Variants in GPC6 observed in about 807,000 individuals in gnomAD.
GPC6 encodes the protein glypican-6.
A neutral mutation model predicts 55.2 loss-of-function variants in GPC6; 14 were observed. The ratio of observed to expected loss-of-function variants is 0.25; its 90% CI spans 0.17 to 0.40. The LOEUF (loss-of-function observed/expected upper bound fraction) is 0.40. Ranked by LOEUF, GPC6 falls within the 10% of genes least tolerant of loss-of-function variation. The pLI is 1.00. For missense variants in GPC6, 641 were observed against 708.5 expected (o/e 0.90, Z 1.08); for synonymous variants, 278 against 259.6 (o/e 1.07, Z -0.68).
At chr13:93,341,554 A>G (rs1329730247) in intron 1 of GPC6, among the ~76,000 whole-genome samples, 2 of 152,156 alleles carry the variant, frequency 1.3e-5, no homozygotes, top group African/African-American at 4.8e-5. Context: ...CTTTTGAGAA[A>G]TATCTATTCA....
chr13:94,343,840 C>A (rs1878157611), intron 6 of GPC6, among the ~76,000 whole-genome samples: 1 of 152,092 alleles, frequency 6.6e-6, no homozygotes, highest in African/African-American at 2.4e-5. Flanking sequence ...AGGTGATCCT[C>A]CCACCTCAGC....
intron 3 of GPC6, among the ~76,000 whole-genome samples, chr13:94,018,375 C>A (rs1238747321): frequency 1.3e-5 from 2 of 151,748 alleles, no homozygotes; most frequent in Admixed American, 1.3e-4. Context: ...CTGCAACCTC[C>A]GCCTCCCAGG....
At chr13:93,349,529 G>A (rs957229834) in intron 1 of GPC6, among the ~76,000 whole-genome samples, 11 of 152,122 alleles carry the variant, frequency 7.2e-5, no homozygotes, top group African/African-American at 2.7e-4. Context: ...TTGCCAGGCT[G>A]ACTATGTAGG....
At chr13:93,294,634 G>T (rs1053046829) in intron 1 of GPC6, among the ~76,000 whole-genome samples, 1 of 152,106 alleles carries the variant, frequency 6.6e-6, no homozygotes, top group African/African-American at 2.4e-5. Flanking sequence ...AGAGTCTAGT[G>T]GGGGAGATAA....
At chr13:93,399,065 C>G (rs61965696) in intron 1 of GPC6, among the ~76,000 whole-genome samples, 1 of 72,784 alleles carries the variant, frequency 1.4e-5, no homozygotes, top group Non-Finnish European at 5.6e-5. Flanking sequence ...CACACAGACA[C>G]ACACACACAC....
At chr13:93,399,091 C>A (rs1875971927) in intron 1 of GPC6, among the ~76,000 whole-genome samples, 1 of 149,836 alleles carries the variant, frequency 6.7e-6, no homozygotes, top group Non-Finnish European at 1.5e-5. Flanking sequence ...CACGTGCACA[C>A]AAGCAAGGAA....
At chr13:94,231,127 G>A (rs1890713730) in intron 4 of GPC6, among the ~76,000 whole-genome samples, 1 of 152,148 alleles carries the variant, frequency 6.6e-6, no homozygotes, top group South Asian at 2.1e-4. Context: ...AAGGTTTGGT[G>A]TATACTAGAT....
rs145925821 is a variant in GPC6 at position 93,523,007 on chromosome 13, G to GA, written c.161-22250dup. 4.2e-3 allele frequency among the ~76,000 whole-genome samples: 374 copies of GA among 90,098 alleles called. 4 individuals are homozygous for GA. The highest frequency in any genetic ancestry group is 7.7e-3 in the African/African-American group (213 of 27,706). 59.1% of individuals were successfully genotyped at this position (90,098 alleles called of 152,430 possible). On this transcript the variant is annotated intron_variant, in intron 1 of 8. Transcript: ENST00000377047. ...TGTCTTTGGATCAAAAAGAAAGAGG[G>GA]AAAAAATATATATATATATATATAC...
At chr13:93,814,899 G>A (rs1017686765) in intron 2 of GPC6, among the ~76,000 whole-genome samples, 1 of 152,094 alleles carries the variant, frequency 6.6e-6, no homozygotes, top group African/African-American at 2.4e-5. Flanking sequence ...CAAAAACAGA[G>A]GGGAGAGATG....
At chr13:93,310,733 G>A (rs895194763) in intron 1 of GPC6, among the ~76,000 whole-genome samples, 3 of 152,066 alleles carry the variant, frequency 2.0e-5, no homozygotes, top group Non-Finnish European at 2.9e-5. Context: ...GAGAGAAGAC[G>A]CTACTTTGTT....
intron 6 of GPC6, among the ~76,000 whole-genome samples, chr13:94,362,407 AAGC>A (rs1157933882): frequency 2.6e-5 from 4 of 152,192 alleles, no homozygotes; most frequent in Non-Finnish European, 5.9e-5. Context: ...TAGGGAAATA[AAGC>A]TTTGGTTAAC....
intron 3 of GPC6, among the ~76,000 whole-genome samples, chr13:93,934,313 G>T (rs1232283922): frequency 1.3e-5 from 2 of 152,016 alleles, no homozygotes; most frequent in Non-Finnish European, 2.9e-5. Flanking sequence ...ATGGAAAAAA[G>T]AATATAAGGT....
intron 4 of GPC6, among the ~76,000 whole-genome samples, chr13:94,151,062 C>T (rs1349170612): frequency 6.6e-6 from 1 of 151,752 alleles, no homozygotes; most frequent in Non-Finnish European, 1.5e-5. Context: ...ACTAAAGCTG[C>T]CTGGCCTTAT....
chr13:93,915,894 C>T (rs951638087), intron 3 of GPC6, among the ~76,000 whole-genome samples: 1 of 152,140 alleles, frequency 6.6e-6, no homozygotes, highest in African/African-American at 2.4e-5. Flanking sequence ...TTGTGAGTGG[C>T]TGCAGAGGAG....
At chr13:94,340,759 A>G (rs1448612832) in intron 6 of GPC6, among the ~76,000 whole-genome samples, 1 of 150,720 alleles carries the variant, frequency 6.6e-6, no homozygotes, top group East Asian at 1.9e-4. Context: ...GAGACAAAGA[A>G]CACTCGTTTC....
intron 1 of GPC6, among the ~76,000 whole-genome samples, chr13:93,323,280 A>C (rs1446775246): frequency 1.3e-5 from 2 of 152,168 alleles, no homozygotes; most frequent in Non-Finnish European, 2.9e-5. Flanking sequence ...ATCATTGATG[A>C]CACATTATAT....
chr13:93,837,141 A>C (rs1358272669), intron 3 of GPC6, among the ~76,000 whole-genome samples: 1 of 152,216 alleles, frequency 6.6e-6, no homozygotes, highest in Non-Finnish European at 1.5e-5. Flanking sequence ...AATGAATTAA[A>C]GGCTATTTGT....
intron 1 of GPC6, among the ~76,000 whole-genome samples, chr13:93,331,814 A>G (rs1323981): frequency 4.6e-5 from 7 of 151,918 alleles, no homozygotes; most frequent in Admixed American, 1.3e-4. Flanking sequence ...TATTCATTCT[A>G]TCTAACTGTA....
At chr13:94,398,803 C>T (rs1881005089) in intron 8 of GPC6, among the ~76,000 whole-genome samples, 162 bp downstream of exon 8, 1 of 152,170 alleles carries the variant, frequency 6.6e-6, no homozygotes, top group Admixed American at 6.5e-5. Context: ...AGCTCTGATC[C>T]ACAAAACATA....
Sources: gnomAD v4.1 joint callset for allele counts (sites outside exome capture counted in the v4.1 genomes callset) on GRCh38, gnomAD v4.1.1 for gene constraint, MANE v1.5 for transcripts, NCBI Gene and HGNC (gene_info 2026-07-23, HGNC 2026-07-21) for gene names.